Variants in PITPNM3 observed in about 807,000 individuals in gnomAD.
PITPNM3 encodes the protein membrane-associated phosphatidylinositol transfer protein 3.
A neutral mutation model predicts 102.0 loss-of-function variants in PITPNM3; 26 were observed. The ratio of observed to expected loss-of-function variants is 0.25; its 90% confidence interval spans 0.19 to 0.35. The LOEUF is 0.35. Ranked by LOEUF, PITPNM3 falls within the 10% of genes least tolerant of loss-of-function variation. The pLI, the probability that PITPNM3 is intolerant of heterozygous loss-of-function variation, is 1.00. For synonymous variants in PITPNM3, 578 were observed against 558.6 expected (o/e 1.03, Z -0.49); for missense variants, 1,083 against 1,346.1 (o/e 0.80, Z 3.06).
At chr17:6,530,398 T>C (rs755629626) in intron 2 of PITPNM3, among the ~76,000 whole-genome samples, 11 of 152,156 alleles carry the variant, frequency 7.2e-5, no homozygotes, top group Non-Finnish European at 1.5e-4. Context: ...CCAATTGCTA[T>C]GGGAAACCAG....
At chr17:6,508,856 G>T (rs1907703153) in intron 3 of PITPNM3, among the ~76,000 whole-genome samples, 1 of 152,130 alleles carries the variant, frequency 6.6e-6, no homozygotes, top group South Asian at 2.1e-4. Flanking sequence ...ATCTTCCCTG[G>T]AAACCGCCAG....
chr17:6,471,310 G>C lies in PITPNM3; in HGVS notation c.1475C>G (p.Ser492Cys). 1 of 1,610,074 alleles carries C rather than the reference G, an allele frequency of 6.2e-7. No individual in the cohort carries two copies. Among genetic ancestry groups the C allele is most frequent in the Non-Finnish European group, 8.5e-7 (1 of 1,178,850 alleles). ...ATCCAGAAGTGGCGGGCTGTCCCGG[G>C]AGCTGCCCTCCAGGAAGAGGGGGCT... ...THSPLFLEGS[S>C]RDSPPLLDAP... Residue 492 changes from serine to cysteine, a missense_variant, in exon 12 of 20, where the codon TCC becomes TGC. Ser to Cys is a moderately radical substitution (Grantham distance 112). This residue lies in a region of PITPNM3 where 410 missense variants were observed against 638.4 expected (regional missense o/e 0.64). Coordinates refer to ENST00000262483, the MANE Select transcript of PITPNM3 (RefSeq NM_031220.4).
chr17:6,541,286 A>AGTGTGTGTGTGTGTGTGT (rs113549938), intron 1 of PITPNM3, among the ~76,000 whole-genome samples: 7,174 of 145,586 alleles, frequency 0.049, 183 homozygotes, highest in Middle Eastern at 0.077. Context: ...ATATGCTAAG[A>AGTGTGTGTGTGTGTGTGT]GTGTGTGTGT....
At chr17:6,552,054 G>A (rs1486581791) in intron 1 of PITPNM3, among the ~76,000 whole-genome samples, 2 of 152,166 alleles carry the variant, frequency 1.3e-5, no homozygotes, top group Admixed American at 6.5e-5. Context: ...GTATCGAAAT[G>A]TTCCCTCCCA....
At chr17:6,456,655 A>G (rs1914130251) in intron 19 of PITPNM3, among the ~76,000 whole-genome samples, 1 of 152,024 alleles carries the variant, frequency 6.6e-6, no homozygotes, top group African/African-American at 2.4e-5. Context: ...CTGAGTTCCC[A>G]ACTGGGAGAC....
intron 4 of PITPNM3, among the ~76,000 whole-genome samples, chr17:6,487,359 G>C (rs1906159548): frequency 6.6e-6 from 1 of 152,174 alleles, no homozygotes; most frequent in South Asian, 2.1e-4. Flanking sequence ...TGGAACACAG[G>C]AAGTGTCACA....
At chr17:6,500,817 A>C (rs998994851) in intron 4 of PITPNM3, among the ~76,000 whole-genome samples, 1 of 152,006 alleles carries the variant, frequency 6.6e-6, no homozygotes, top group Non-Finnish European at 1.5e-5. Flanking sequence ...CTGGGATTTC[A>C]AGCATGCACC....
chr17:6,534,492 C>T (rs758013112), intron 2 of PITPNM3, among the ~76,000 whole-genome samples: 6 of 152,202 alleles, frequency 3.9e-5, no homozygotes, highest in Non-Finnish European at 5.9e-5. Context: ...CTGATGGCTG[C>T]AAGGGAGGGA....
rs150895367 is a variant in PITPNM3, at chr17:6,539,491, C to T, written c.23-1409G>A. On this transcript the variant is annotated intron_variant, in intron 1 of 19. Transcript: ENST00000262483. The stretch of plus-strand genomic sequence containing the variant: ...ATATTAAAAAAACTACCAGAACTAA[C>T]AACTGAGTATAGCAGGATTGCAGGA... Among the ~76,000 whole-genome samples the T allele has an allele frequency of 1.2e-3, 176 of 151,982 alleles. 2 individuals are homozygous for T. In the East Asian group the frequency reaches 0.028, roughly 25 times the overall value.
chr17:6,549,838 C>T (rs1003865229), intron 1 of PITPNM3, among the ~76,000 whole-genome samples: 7 of 152,218 alleles, frequency 4.6e-5, no homozygotes, highest in African/African-American at 1.7e-4. Context: ...CTGGCCACCC[C>T]CTTCCGGGCT....
At chr17:6,512,556 T>C (rs530997190) in intron 3 of PITPNM3, among the ~76,000 whole-genome samples, 1 of 152,254 alleles carries the variant, frequency 6.6e-6, no homozygotes, top group African/African-American at 2.4e-5. Flanking sequence ...GCTGATTCAG[T>C]AGGTCTAGGG....
chr17:6,528,410 C>G (rs1908954395), intron 2 of PITPNM3, among the ~76,000 whole-genome samples: 1 of 152,036 alleles, frequency 6.6e-6, no homozygotes, highest in Non-Finnish European at 1.5e-5. Context: ...TAAGGGTGTT[C>G]TCCCTCCCCT....
Position 6,451,877 on chromosome 17 carries a change from C to CT in PITPNM3, c.*3460_*3461insA, listed in dbSNP as rs1358098628. ...TCCAGGGCACTTGGCACCCAAACCC[C>CT]CCCCCCCCGCCCGCCGATGGGATTC... On this transcript the variant is annotated 3_prime_UTR_variant, in exon 20 of 20. Coordinates refer to ENST00000262483, the MANE Select transcript of PITPNM3 (RefSeq NM_031220.4). 1.1e-4 allele frequency: 3 copies of CT among 28,496 alleles called. No homozygotes were observed. Among genetic ancestry groups the CT allele is most frequent in the Non-Finnish European group, 2.3e-4 (3 of 13,046 alleles). 1.8% of individuals were successfully genotyped at this position (28,496 alleles called of 1,614,324 possible). A position where few individuals can be genotyped will look rare whatever the true frequency, so the allele number is the denominator to read the frequency against.
rs1035998331 is a variant in PITPNM3 at position 6,455,162 on chromosome 17, C to A, written c.*176G>T. On this transcript the variant is annotated 3_prime_UTR_variant, in exon 20 of 20. Transcript: ENST00000262483. ...CCCCGGACCTCACCCCGTCGCAGCT[C>A]AGGGAGCCCCCCGGGCTCGGGCAGG... The A allele has an allele frequency of 7.3e-6, 6 of 820,380 alleles. No individual in the cohort carries two copies. The highest frequency in any genetic ancestry group is 3.4e-5 in the Admixed American group (1 of 29,788). 50.8% of individuals were successfully genotyped at this position (820,380 alleles called of 1,614,324 possible).
chr17:6,484,788 G>T (rs1392345159), intron 4 of PITPNM3, among the ~76,000 whole-genome samples: 1 of 152,344 alleles, frequency 6.6e-6, no homozygotes, highest in South Asian at 2.1e-4. Context: ...GTTTTGGGAA[G>T]AGGTTGGCAT....
At chr17:6,524,438 C>T (rs189359048) in intron 3 of PITPNM3, among the ~76,000 whole-genome samples, 1 of 152,214 alleles carries the variant, frequency 6.6e-6, no homozygotes, top group African/African-American at 2.4e-5. Context: ...CTCTGCTTCT[C>T]ACTCCATTGT....
At chr17:6,543,627 T>C (rs978818250) in intron 1 of PITPNM3, among the ~76,000 whole-genome samples, 1 of 152,210 alleles carries the variant, frequency 6.6e-6, no homozygotes, top group Non-Finnish European at 1.5e-5. Flanking sequence ...AGAGCTGAAC[T>C]GGAACAGTCC....
Position 6,534,308 on chromosome 17 carries a change from G to T in PITPNM3, c.118+3679C>A, listed in dbSNP as rs2150659216. Reference sequence around the variant, plus strand: ...CCAGAGGAGCTGGCACCCTGCCGAGGAGTTGTTATGGTTCCAGAGAGCTCA... The same window carrying T: ...CCAGAGGAGCTGGCACCCTGCCGAGTAGTTGTTATGGTTCCAGAGAGCTCA... On this transcript the variant is annotated intron_variant, in intron 2 of 19. Transcript: ENST00000262483. 1.3e-5 allele frequency among the ~76,000 whole-genome samples: 2 copies of T among 152,310 alleles called. 1 individual carries two copies. The highest frequency in any genetic ancestry group is 4.1e-4 in the South Asian group (2 of 4,828).
chr17:6,545,467 C>A (rs1392977836), intron 1 of PITPNM3, among the ~76,000 whole-genome samples: 2 of 152,064 alleles, frequency 1.3e-5, no homozygotes, highest in Admixed American at 1.3e-4. Context: ...TCCTCCCTCC[C>A]ATCGCAGGTC....
Sources: gnomAD v4.1 joint callset for allele counts (sites outside exome capture counted in the v4.1 genomes callset) on GRCh38, gnomAD v4.1.1 for gene constraint, gnomAD v4.1.1 regional missense constraint, MANE v1.5 for transcripts, NCBI Gene and HGNC (gene_info 2026-07-23, HGNC 2026-07-21) for gene names.